The following ZGRF1 variants were observed in gnomAD, a reference collection of about 807,000 sequenced individuals.
The protein encoded by ZGRF1 is zinc finger GRF-type containing 1.
A neutral mutation model predicts 203.5 loss-of-function variants in ZGRF1; 196 were observed. The ratio of observed to expected loss-of-function variants is 0.96; its 90% CI spans 0.86 to 1.08. ZGRF1 has a LOEUF of 1.08. Among genes scored for constraint, ZGRF1 ranks in the 50% least tolerant of loss-of-function variants. The pLI, the probability that ZGRF1 is intolerant of heterozygous loss-of-function variation, is 0.00. For synonymous variants in ZGRF1, 809 were observed against 841.3 expected (o/e 0.96, Z 0.66); for missense variants, 2,326 against 2,416.3 (o/e 0.96, Z 0.78).
chr4:112,612,364 G>A (rs1397552045), intron 7 of ZGRF1, among the ~76,000 whole-genome samples, 160 bp downstream of exon 7: 2 of 152,150 alleles, frequency 1.3e-5, no homozygotes, highest in African/African-American at 2.4e-5. Flanking sequence ...GAAACTGTTA[G>A]GCATTTCTTT....
intron 4 of ZGRF1, 88 bp from the exon 5 acceptor site, chr4:112,620,278 G>A: frequency 1.1e-6 from 1 of 897,872 alleles, no homozygotes; most frequent in Admixed American, 2.8e-5. Flanking sequence ...AGACACAATG[G>A]GTGTTCAATA....
intron 22 of ZGRF1, among the ~76,000 whole-genome samples, chr4:112,550,387 T>C (rs1392396533): frequency 6.6e-6 from 1 of 152,114 alleles, no homozygotes; most frequent in Non-Finnish European, 1.5e-5. Context: ...TATTTTTGTA[T>C]ATACAAAATG....
intron 7 of ZGRF1, among the ~76,000 whole-genome samples, chr4:112,609,755 G>A (rs563941761): frequency 1.7e-4 from 26 of 150,066 alleles, no homozygotes; most frequent in Admixed American, 1.5e-3. Context: ...CCAAGATTGC[G>A]CCACTGCACT....
chr4:112,631,568 A>C (rs2047410464), intron 3 of ZGRF1, among the ~76,000 whole-genome samples: 1 of 152,066 alleles, frequency 6.6e-6, no homozygotes, highest in African/African-American at 2.4e-5. Flanking sequence ...GCTACTTGGG[A>C]GGCTGAGGCA....
rs143158218 is a variant in ZGRF1, at chr4:112,559,520, T to C, written c.4961-1211A>G. Among the ~76,000 whole-genome samples the C allele has an allele frequency of 6.3e-3, 967 of 152,328 alleles. 17 individuals are homozygous for C. Among genetic ancestry groups the C allele is most frequent in the African/African-American group, 0.021 (868 of 41,564 alleles). On this transcript the variant is annotated intron_variant, in intron 19 of 27. Coordinates refer to ENST00000505019, the MANE Select transcript of ZGRF1 (RefSeq NM_018392.5). Reference sequence around the variant, plus strand: ...GGGTTTGACTTAATCAGATTGTGTTTTTAAAAAACAACTTGAATGAAAATA... The same window carrying C: ...GGGTTTGACTTAATCAGATTGTGTTCTTAAAAAACAACTTGAATGAAAATA...
intron 4 of ZGRF1, among the ~76,000 whole-genome samples, chr4:112,621,731 A>ATTTTTTTTTTTTTTTTTTTTTTT (rs74975594): frequency 6.7e-6 from 1 of 148,890 alleles, no homozygotes; most frequent in Non-Finnish European, 1.5e-5. Flanking sequence ...TAATGAAATG[A>ATTTTTTTTTTTTTTTTTTTTTTT]TTTTTTTTTC....
At position 112,610,017 on chromosome 4, in the gene ZGRF1, T is replaced by C. The variant is rs1353705385; in HGVS notation, c.2668-588A>G. Among the ~76,000 whole-genome samples, 4 of 149,632 alleles carry C rather than the reference T, an allele frequency of 2.7e-5. No individual in the cohort carries two copies. The East Asian group carries it at 8.1e-4, about 30-fold the overall frequency. Reference sequence around the variant, plus strand: ...AGTTAGGTATGGTGGCATGCACCTGTAGTCCCAGCTACTCAGGAGGCTGAG... The same window carrying C: ...AGTTAGGTATGGTGGCATGCACCTGCAGTCCCAGCTACTCAGGAGGCTGAG... On this transcript the variant is annotated intron_variant, in intron 7 of 27. Coordinates refer to ENST00000505019, the MANE Select transcript of ZGRF1 (RefSeq NM_018392.5).
At position 112,617,668 on chromosome 4, in the gene ZGRF1, TA is replaced by T. The variant is rs746440878; in HGVS notation, c.2373del (p.Arg792GlufsTer31). On this transcript the variant is annotated frameshift_variant, in exon 6 of 28. Coordinates refer to ENST00000505019, the MANE Select transcript of ZGRF1 (RefSeq NM_018392.5). LOFTEE classifies it high-confidence loss of function. ...TCAACATGGTCAGGGGGTGGACTTC[TA>T]ATCTTTCCCAAATCTTCAGGTTCAG... is the stretch of plus-strand genomic sequence containing the variant. ...HISEPEDLGK[I>X]RSPPPDHVEV... 1.4e-5 allele frequency: 22 copies of T among 1,613,870 alleles called. No homozygotes were observed. The highest frequency in any genetic ancestry group is 4.4e-5 in the South Asian group (4 of 91,052).
intron 25 of ZGRF1, 29 bp downstream of exon 25, chr4:112,541,059 ATGTT>A (rs1560724858): frequency 5.1e-6 from 8 of 1,553,762 alleles, no homozygotes; most frequent in Non-Finnish European, 7.0e-6. Flanking sequence ...AACCTAAACC[ATGTT>A]GACTCTCATC....
chr4:112,564,994 C>G, intron 16 of ZGRF1: 1 of 899,334 alleles, frequency 1.1e-6, no homozygotes, highest in Non-Finnish European at 1.9e-6. Context: ...TACCATGGCT[C>G]GTACAAGGCA....
intron 9 of ZGRF1, among the ~76,000 whole-genome samples, chr4:112,604,531 CAATA>C (rs1312063763): frequency 2.0e-5 from 3 of 152,066 alleles, no homozygotes; most frequent in Admixed American, 2.0e-4. Flanking sequence ...ATACAGGAAG[CAATA>C]AATAAACAGC....
intron 10 of ZGRF1, among the ~76,000 whole-genome samples, chr4:112,592,907 C>T (rs934966777): frequency 1.3e-5 from 2 of 152,140 alleles, no homozygotes; most frequent in African/African-American, 4.8e-5. Flanking sequence ...GAGTGGGGCC[C>T]TTACCCAACT....
intron 24 of ZGRF1, among the ~76,000 whole-genome samples, chr4:112,541,931 C>T (rs1346372561): frequency 4.6e-5 from 7 of 152,226 alleles, no homozygotes; most frequent in South Asian, 2.1e-4. Flanking sequence ...ACTTTCCTCA[C>T]TGAGTAAAAG....
intron 16 of ZGRF1, among the ~76,000 whole-genome samples, chr4:112,574,464 A>C (rs1744776552): frequency 6.6e-6 from 1 of 152,202 alleles, no homozygotes; most frequent in South Asian, 2.1e-4. Flanking sequence ...AGAAGAAAGA[A>C]AAATGCTGGT....
At chr4:112,557,650 G>A (rs892992877) in intron 20 of ZGRF1, among the ~76,000 whole-genome samples, 5 of 152,182 alleles carry the variant, frequency 3.3e-5, no homozygotes, top group African/African-American at 1.2e-4. Flanking sequence ...CACATGCCGT[G>A]GGTTGAGGAG....
chr4:112,567,027 A>T (rs904600360), intron 16 of ZGRF1, among the ~76,000 whole-genome samples: 1 of 152,200 alleles, frequency 6.6e-6, no homozygotes, highest in Non-Finnish European at 1.5e-5. Flanking sequence ...CACTGATCAC[A>T]GGCAGTCTCC....
rs557027423 is a variant in ZGRF1, at chr4:112,568,741, C to T, written c.4439-5467G>A. On this transcript the variant is annotated intron_variant, in intron 16 of 27. Coordinates refer to ENST00000505019, the MANE Select transcript of ZGRF1 (RefSeq NM_018392.5). ...AAAAAAAAAAAAAAAAAAAGCCAGGCGTGGTGGCTCACGCCTGTAATCCCA... is the reference window on the plus strand; with the variant it reads ...AAAAAAAAAAAAAAAAAAAGCCAGGTGTGGTGGCTCACGCCTGTAATCCCA... Among the ~76,000 whole-genome samples the T allele has an allele frequency of 2.0e-4, 26 of 130,318 alleles. 1 individual carries two copies. Among genetic ancestry groups the T allele is most frequent in the Middle Eastern group, 0.012 (2 of 170 alleles). 85.5% of individuals were successfully genotyped at this position (130,318 alleles called of 152,430 possible). A position where few individuals can be genotyped will look rare whatever the true frequency, so the allele number is the denominator to read the frequency against.
chr4:112,599,106 G>T lies in ZGRF1; in HGVS notation c.2976+4418C>A, dbSNP rs1437079353. On this transcript the variant is annotated intron_variant, in intron 10 of 27. Transcript: ENST00000505019. ...ATGTAGTGGAAAAAAATGACAAAGG[G>T]TTAATTTTCTTAGTATGTAAAGAGC... is the stretch of plus-strand genomic sequence containing the variant. Among the ~76,000 whole-genome samples, 6 of 151,860 alleles carry T rather than the reference G, an allele frequency of 4.0e-5. No individual in the cohort carries two copies. In the East Asian group the frequency reaches 1.2e-3, roughly 29 times the overall value.
chr4:112,585,525 G>T lies in ZGRF1; in HGVS notation c.4101+16C>A. ...ACAAGTATTTGGTATGGTAGGGGGA[G>T]GGGAAGCAAGAATACCTTATTTGGA... On this transcript the variant is annotated intron_variant, in intron 14 of 27. Transcript: ENST00000505019. 6.3e-7 allele frequency: 1 copy of T among 1,597,938 alleles called. No individual in the cohort carries two copies. Among genetic ancestry groups the T allele is most frequent in the Non-Finnish European group, 8.5e-7 (1 of 1,172,160 alleles).
Sources: allele counts gnomAD v4.1 joint callset (sites outside exome capture counted in the v4.1 genomes callset), GRCh38; gene constraint gnomAD v4.1.1; transcripts MANE v1.5; gene names NCBI Gene and HGNC (gene_info 2026-07-23, HGNC 2026-07-21).